GAB1: variants seen among roughly 807,000 people sequenced by gnomAD.
The protein encoded by GAB1 is GRB2-associated-binding protein 1.
In GAB1, 19 loss-of-function variants were observed where a neutral mutation model predicts 66.5. That is an observed-to-expected ratio of 0.29 (90% CI 0.20 to 0.42). GAB1 has a LOEUF of 0.42. Ranked by LOEUF, GAB1 falls within the 10% of genes least tolerant of loss-of-function variation. GAB1 has a pLI of 1.00. For synonymous variants in GAB1, 294 were observed against 301.4 expected (o/e 0.98, Z 0.25); for missense variants, 732 against 858.5 (o/e 0.85, Z 1.84).
chr4:143,363,974 G>A (rs1729767927), intron 1 of GAB1, among the ~76,000 whole-genome samples: 1 of 152,006 alleles, frequency 6.6e-6, no homozygotes, highest in Admixed American at 6.6e-5. Flanking sequence ...TGAGTTGGGC[G>A]GACAGGAGTT....
chr4:143,441,586 A>T (rs111570346), intron 6 of GAB1, among the ~76,000 whole-genome samples: 1 of 152,212 alleles, frequency 6.6e-6, no homozygotes, highest in Non-Finnish European at 1.5e-5. Flanking sequence ...CAAGGAGGTT[A>T]TCAGGAACTG....
rs772550327 is a variant in GAB1 at position 143,433,731 on chromosome 4, C to G, written c.593+15C>G. The G allele has an allele frequency of 1.9e-6, 3 of 1,575,954 alleles. No homozygotes were observed. The African/African-American group carries it at 4.0e-5, about 21-fold the overall frequency. On this transcript the variant is annotated intron_variant, in intron 3 of 9. Transcript: ENST00000262994. Reference sequence around the variant, plus strand: ...GAACCCACCAGGTAAATTATATATGCCCATGTGAGAGAGAGACAGAGGCGT... The same window carrying G: ...GAACCCACCAGGTAAATTATATATGGCCATGTGAGAGAGAGACAGAGGCGT...
intron 6 of GAB1, among the ~76,000 whole-genome samples, chr4:143,448,964 T>C (rs375425937): frequency 1.3e-5 from 2 of 152,102 alleles, no homozygotes; most frequent in African/African-American, 2.4e-5. Context: ...GCTTTGAATG[T>C]GTCCCAGAGA....
At position 143,339,332 on chromosome 4, in the gene GAB1, G is replaced by A. The variant is rs530710196; in HGVS notation, c.72+2072G>A. On this transcript the variant is annotated intron_variant, in intron 1 of 9. Transcript: ENST00000262994. ...AGGAGACCAGCCTGGCCAACATGGC[G>A]AAACTCTGTCTCTACTAAAAATACA... Among the ~76,000 whole-genome samples the A allele has an allele frequency of 4.6e-5, 7 of 152,312 alleles. No homozygotes were observed. In the South Asian group the frequency reaches 1.2e-3, roughly 27 times the overall value.
intron 1 of GAB1, among the ~76,000 whole-genome samples, chr4:143,367,123 A>G (rs1163142642): frequency 6.6e-6 from 1 of 152,192 alleles, no homozygotes; most frequent in Non-Finnish European, 1.5e-5. Context: ...TGTTGGTATC[A>G]GAAATAGCCT....
intron 1 of GAB1, among the ~76,000 whole-genome samples, chr4:143,397,764 A>T (rs1423471328): frequency 1.3e-5 from 2 of 152,214 alleles, no homozygotes; most frequent in Non-Finnish European, 2.9e-5. Flanking sequence ...CTTCCTCCTG[A>T]CATATGAACC....
chr4:143,436,297 A>AT (rs1279491901), intron 3 of GAB1, among the ~76,000 whole-genome samples: 2 of 152,172 alleles, frequency 1.3e-5, no homozygotes, highest in African/African-American at 2.4e-5. Flanking sequence ...CTCTTGAAGA[A>AT]TAGGATGGAG....
chr4:143,447,943 C>G (rs575517629), intron 6 of GAB1, among the ~76,000 whole-genome samples: 1 of 152,024 alleles, frequency 6.6e-6, no homozygotes, highest in Admixed American at 6.6e-5. Flanking sequence ...ATAGCTGTTA[C>G]TATTTTGAGA....
At chr4:143,382,610 CA>C (rs1560730919) in intron 1 of GAB1, among the ~76,000 whole-genome samples, 1 of 152,126 alleles carries the variant, frequency 6.6e-6, no homozygotes. Context: ...TTCCATCATT[CA>C]AAAAGTGAAA....
chr4:143,467,004 G>C (rs2149799646), intron 9 of GAB1, among the ~76,000 whole-genome samples: 1 of 152,086 alleles, frequency 6.6e-6, no homozygotes, highest in Admixed American at 6.5e-5. Context: ...CTATTTCTCA[G>C]ACCTTCCTTC....
chr4:143,369,241 A>AT (rs1420669630), intron 1 of GAB1, among the ~76,000 whole-genome samples: 6 of 151,892 alleles, frequency 4.0e-5, no homozygotes, highest in South Asian at 4.2e-4. Context: ...GCACCCGGCC[A>AT]TTTTTTTGTA....
At chr4:143,392,769 A>G (rs552791148) in intron 1 of GAB1, among the ~76,000 whole-genome samples, 28 of 152,280 alleles carry the variant, frequency 1.8e-4, no homozygotes, top group South Asian at 1.5e-3. Flanking sequence ...TTTGTGTGGT[A>G]TACAGATGCT....
intron 1 of GAB1, among the ~76,000 whole-genome samples, chr4:143,407,102 C>T (rs896477134): frequency 2.6e-5 from 4 of 152,142 alleles, no homozygotes; most frequent in Admixed American, 6.5e-5. Context: ...AACGTGTTAA[C>T]AGGGGTCCTG....
chr4:143,436,189 T>A (rs1463285862), intron 3 of GAB1, among the ~76,000 whole-genome samples: 1 of 152,148 alleles, frequency 6.6e-6, no homozygotes, highest in Non-Finnish European at 1.5e-5. Flanking sequence ...ACCTAGTTGG[T>A]GAGAGAAGAA....
intron 2 of GAB1, among the ~76,000 whole-genome samples, chr4:143,428,296 G>C (rs570832177): frequency 1.3e-3 from 205 of 152,234 alleles, no homozygotes; most frequent in Admixed American, 2.9e-3. Flanking sequence ...ATGTGTCTTG[G>C]GGGGTTGTAT....
At chr4:143,462,313 C>T (rs1207305068) in intron 8 of GAB1, among the ~76,000 whole-genome samples, 1 of 152,018 alleles carries the variant, frequency 6.6e-6, no homozygotes, top group African/African-American at 2.4e-5. Flanking sequence ...AATTCTCGGT[C>T]AGAGTAGATA....
chr4:143,457,592 T>G, intron 6 of GAB1: 1 of 623,990 alleles, frequency 1.6e-6, no homozygotes, highest in Non-Finnish European at 2.6e-6. Context: ...CAGGGCTCTG[T>G]TGCTTTTTTT....
intron 1 of GAB1, among the ~76,000 whole-genome samples, chr4:143,350,937 C>T (rs1034320994): frequency 1.2e-4 from 18 of 152,062 alleles, no homozygotes; most frequent in Non-Finnish European, 2.5e-4. Context: ...GAAAGGTTCC[C>T]TTGTCCCCCT....
At chr4:143,416,652 T>G (rs1188536856) in intron 2 of GAB1, among the ~76,000 whole-genome samples, 3 of 151,872 alleles carry the variant, frequency 2.0e-5, no homozygotes, top group Admixed American at 1.3e-4. Flanking sequence ...CACACGCCTG[T>G]AGTTCCAGCT....
Sources: gnomAD v4.1 joint callset for allele counts (sites outside exome capture counted in the v4.1 genomes callset) on GRCh38, gnomAD v4.1.1 for gene constraint, MANE v1.5 for transcripts, NCBI Gene and HGNC (gene_info 2026-07-23, HGNC 2026-07-21) for gene names.